The following RBFOX1 variants were observed in gnomAD, a reference collection of about 807,000 sequenced individuals.
The protein encoded by RBFOX1 is RNA binding protein fox-1 homolog 1.
Under a neutral mutation model 57.7 loss-of-function variants are expected in RBFOX1, and 8 were observed. That is an observed-to-expected ratio of 0.14 (90% CI 0.08 to 0.25). The LOEUF (loss-of-function observed/expected upper bound fraction) is 0.25. Among genes scored for constraint, RBFOX1 ranks in the 10% least tolerant of loss-of-function variants. The pLI, the probability that RBFOX1 is intolerant of heterozygous loss-of-function variation, is 1.00. For missense variants in RBFOX1, 611 were observed against 548.5 expected (o/e 1.11, Z -1.14); for synonymous variants, 326 against 222.4 (o/e 1.47, Z -4.15).
chr16:6,719,167 G>T (rs1201105777), intron 3 of RBFOX1, among the ~76,000 whole-genome samples: 1 of 152,114 alleles, frequency 6.6e-6, no homozygotes, highest in Non-Finnish European at 1.5e-5. Context: ...GTGCCTGGCT[G>T]AGATGTGTAC....
chr16:7,036,612 G>C (rs555938129), intron 3 of RBFOX1, among the ~76,000 whole-genome samples: 1 of 151,988 alleles, frequency 6.6e-6, no homozygotes, highest in South Asian at 2.1e-4. Flanking sequence ...AGAATCGCTT[G>C]AAACCGTAAG....
intron 1 of RBFOX1, among the ~76,000 whole-genome samples, chr16:6,150,990 C>T (rs1478515026): frequency 6.6e-6 from 1 of 152,166 alleles, no homozygotes; most frequent in Non-Finnish European, 1.5e-5. Context: ...TCCTGCTGTT[C>T]TCCAGGATGG....
intron 2 of RBFOX1, among the ~76,000 whole-genome samples, chr16:6,328,186 C>T (rs759853490): frequency 6.6e-6 from 1 of 151,926 alleles, no homozygotes; most frequent in East Asian, 1.9e-4. Flanking sequence ...GAAGGGAAAA[C>T]AAAATATCGT....
chr16:6,285,080 G>A (rs1021786763), intron 1 of RBFOX1, among the ~76,000 whole-genome samples: 3 of 152,054 alleles, frequency 2.0e-5, no homozygotes, highest in Non-Finnish European at 4.4e-5. Context: ...CTTCGTTGTT[G>A]TTTCTTTTCA....
intron 4 of RBFOX1, among the ~76,000 whole-genome samples, chr16:5,910,353 T>C (rs929019069): frequency 6.6e-6 from 1 of 152,078 alleles, no homozygotes; most frequent in African/African-American, 2.4e-5. Context: ...GTGCACCCTC[T>C]AGGAGGTACC....
chr16:5,718,982 A>AC (rs1477373174), intron 3 of RBFOX1, among the ~76,000 whole-genome samples: 1 of 151,820 alleles, frequency 6.6e-6, no homozygotes, highest in South Asian at 2.1e-4. Flanking sequence ...TTAAAAAAAA[A>AC]AAACAATATT....
chr16:5,718,714 C>G (rs765320668), intron 3 of RBFOX1, among the ~76,000 whole-genome samples: 3 of 152,128 alleles, frequency 2.0e-5, no homozygotes, highest in Non-Finnish European at 4.4e-5. Flanking sequence ...TGAGACCAGC[C>G]TGGCCGACAT....
chr16:6,156,734 C>G (rs752347471), intron 1 of RBFOX1, among the ~76,000 whole-genome samples: 46 of 152,160 alleles, frequency 3.0e-4, no homozygotes, highest in Non-Finnish European at 5.1e-4. Flanking sequence ...ATGGGTGAAA[C>G]CAGAGACGTG....
intron 2 of RBFOX1, among the ~76,000 whole-genome samples, chr16:6,423,386 G>T (rs962035324): frequency 2.6e-5 from 4 of 152,038 alleles, no homozygotes; most frequent in Admixed American, 2.6e-4. Flanking sequence ...ATCACCTGAG[G>T]TCAGGAGTTT....
intron 3 of RBFOX1, among the ~76,000 whole-genome samples, chr16:5,651,909 G>A (rs559310602): frequency 6.6e-6 from 1 of 152,180 alleles, no homozygotes; most frequent in Non-Finnish European, 1.5e-5. Context: ...AAGGCAGGAG[G>A]ATCGCTTGAG....
At chr16:7,242,698 C>T (rs2094126446) in intron 4 of RBFOX1, among the ~76,000 whole-genome samples, 1 of 152,212 alleles carries the variant, frequency 6.6e-6, no homozygotes, top group Admixed American at 6.5e-5. Flanking sequence ...TGACTTGAAG[C>T]AGCCAGTTGG....
At chr16:5,434,439 A>G (rs1411389445) in intron 1 of RBFOX1, among the ~76,000 whole-genome samples, 1 of 144,970 alleles carries the variant, frequency 6.9e-6, no homozygotes, top group Non-Finnish European at 1.5e-5. Context: ...TTCCTGCCTT[A>G]GCCTCCTGAG....
intron 3 of RBFOX1, among the ~76,000 whole-genome samples, chr16:5,726,968 CGATGTG>C (rs1567454649): frequency 6.6e-6 from 1 of 152,056 alleles, no homozygotes; most frequent in African/African-American, 2.4e-5. Flanking sequence ...ATTCAAACCT[CGATGTG>C]AAGGCCGGGC....
chr16:7,057,440 A>G (rs1221589407), intron 4 of RBFOX1, among the ~76,000 whole-genome samples: 1 of 152,162 alleles, frequency 6.6e-6, no homozygotes, highest in Admixed American at 6.5e-5. Context: ...TTCTTTTGAT[A>G]AAGACTCCCT....
rs369405508 is a variant in RBFOX1, at chr16:6,818,955, C to T, written c.-16+164305C>T. Among the ~76,000 whole-genome samples the T allele has an allele frequency of 1.4e-4, 21 of 151,516 alleles. No individual in the cohort carries two copies. The East Asian group carries it at 3.4e-3, about 24-fold the overall frequency. On this transcript the variant is annotated intron_variant, in intron 3 of 15. Transcript: ENST00000550418. Reference sequence around the variant, plus strand: ...AATGAAGTCGAAATTTTGGTAGCCACCTCTCCATGGGTTGAAAGGCACCTG... The same window carrying T: ...AATGAAGTCGAAATTTTGGTAGCCATCTCTCCATGGGTTGAAAGGCACCTG...
intron 1 of RBFOX1, among the ~76,000 whole-genome samples, chr16:5,368,373 C>T (rs939895566): frequency 1.3e-5 from 2 of 152,214 alleles, no homozygotes; most frequent in African/African-American, 2.4e-5. Flanking sequence ...AATTGCTCTG[C>T]AATGTCGGGG....
At chr16:6,199,860 A>G (rs1278032181) in intron 1 of RBFOX1, among the ~76,000 whole-genome samples, 1 of 152,194 alleles carries the variant, frequency 6.6e-6, no homozygotes, top group Non-Finnish European at 1.5e-5. Flanking sequence ...ACAGCTACCT[A>G]TCAGAAGGTT....
chr16:5,329,276 G>A (rs2064677032), intron 1 of RBFOX1, among the ~76,000 whole-genome samples: 1 of 152,190 alleles, frequency 6.6e-6, no homozygotes, highest in South Asian at 2.1e-4. Context: ...TGTACAGGAA[G>A]CATGACTGGG....
In RBFOX1 at chr16:7,034,066, T is replaced by C. The variant is rs74772754; in HGVS notation, c.-15-17991T>C. The stretch of plus-strand genomic sequence containing the variant: ...GAGATGAGGTAGGTATGGCAGGGGA[T>C]GGGGACGCGGTGGTGCAGGTGTCCA... On this transcript the variant is annotated intron_variant, in intron 3 of 15. Transcript: ENST00000550418. 6.8e-3 allele frequency among the ~76,000 whole-genome samples: 1,034 copies of C among 152,264 alleles called. 12 individuals carry two copies. The highest frequency in any genetic ancestry group is 0.024 in the African/African-American group (980 of 41,548).
Sources: allele counts gnomAD v4.1 joint callset (sites outside exome capture counted in the v4.1 genomes callset), GRCh38; gene constraint gnomAD v4.1.1; transcripts MANE v1.5; gene names NCBI Gene and HGNC (gene_info 2026-07-23, HGNC 2026-07-21).